Variants in C1QTNF3 observed in about 807,000 individuals in gnomAD.
The protein encoded by C1QTNF3 is complement C1q tumor necrosis factor-related protein 3.
Under a neutral mutation model 32.6 loss-of-function variants are expected in C1QTNF3, and 26 were observed. That is an observed-to-expected ratio of 0.80 (90% CI 0.58 to 1.11). C1QTNF3 has a LOEUF of 1.11. C1QTNF3 is among the 50% of genes least tolerant of loss of function. The pLI, the probability that C1QTNF3 is intolerant of heterozygous loss-of-function variation, is 0.00. For missense variants in C1QTNF3, 362 were observed against 398.2 expected (o/e 0.91, Z 0.77); for synonymous variants, 155 against 146.0 (o/e 1.06, Z -0.44).
chr5:34,117,653 G>T, the C1QTNF3 span, among the ~76,000 whole-genome samples: 2 of 151,898 alleles, frequency 1.3e-5, no homozygotes, highest in African/African-American at 4.8e-5. Flanking sequence ...AAAATTAGCT[G>T]GGCATGGTGG....
At chr5:34,043,354 T>G (rs1187555312), upstream of C1QTNF3, 1 of 552,970 alleles carries the variant, frequency 1.8e-6, no homozygotes, top group Admixed American at 3.3e-5. Context: ...AAGAACGATT[T>G]GTGTGCACAG....
At chr5:34,056,399 CAT>C in the C1QTNF3 span, among the ~76,000 whole-genome samples, 73 of 127,462 alleles carry the variant, frequency 5.7e-4, no homozygotes, top group African/African-American at 1.9e-3. Flanking sequence ...TTTACCATGA[CAT>C]ATATATATAT....
At chr5:34,161,538 T>C in the C1QTNF3 span, among the ~76,000 whole-genome samples, 1 of 152,218 alleles carries the variant, frequency 6.6e-6, no homozygotes, top group Non-Finnish European at 1.5e-5. Flanking sequence ...ATCAAATATG[T>C]ATATTAGCAG....
chr5:34,204,554 A>T, the C1QTNF3 span, among the ~76,000 whole-genome samples: 1 of 152,324 alleles, frequency 6.6e-6, no homozygotes, highest in Middle Eastern at 3.4e-3. Context: ...ATACATGGAC[A>T]TAGAATGTGG....
the C1QTNF3 span, among the ~76,000 whole-genome samples, chr5:34,087,115 AT>A: frequency 1.4e-5 from 2 of 146,106 alleles, no homozygotes; most frequent in Non-Finnish European, 3.0e-5. Flanking sequence ...ACTGGCCCTT[AT>A]AGATTCTGTC....
the C1QTNF3 span, among the ~76,000 whole-genome samples, chr5:34,134,005 C>T: frequency 3.3e-5 from 5 of 152,138 alleles, no homozygotes; most frequent in African/African-American, 1.2e-4. Context: ...GCTGTATGAA[C>T]CAATTCCAGA....
the C1QTNF3 span, among the ~76,000 whole-genome samples, chr5:34,094,323 C>G: frequency 5.9e-5 from 9 of 151,962 alleles, no homozygotes; most frequent in African/African-American, 1.7e-4. Context: ...TCTGGTAATA[C>G]AGCTGTGAGC....
chr5:34,166,102 C>T, the C1QTNF3 span: 2 of 150,804 alleles, frequency 1.3e-5, no homozygotes, highest in Non-Finnish European at 3.0e-5. Flanking sequence ...TGTTTTAGAA[C>T]AGGACAATTA....
the C1QTNF3 span, among the ~76,000 whole-genome samples, chr5:34,243,962 T>C: frequency 1.3e-5 from 2 of 152,212 alleles, no homozygotes; most frequent in Admixed American, 6.5e-5. Flanking sequence ...GAGAATATGT[T>C]TCTAATGAAG....
upstream of C1QTNF3, among the ~76,000 whole-genome samples, chr5:34,046,237 C>T (rs956318377): frequency 2.6e-5 from 4 of 152,196 alleles, no homozygotes; most frequent in Non-Finnish European, 4.4e-5. Context: ...ACCCCTTGTG[C>T]TCCCTTGGTA....
chr5:34,132,020 G>A, the C1QTNF3 span, among the ~76,000 whole-genome samples: 5 of 151,968 alleles, frequency 3.3e-5, no homozygotes, highest in Non-Finnish European at 7.4e-5. Context: ...TAAAATAGAG[G>A]GTAAATATAG....
the C1QTNF3 span, among the ~76,000 whole-genome samples, chr5:34,142,772 A>T: frequency 6.6e-6 from 1 of 152,228 alleles, no homozygotes; most frequent in Non-Finnish European, 1.5e-5. Context: ...ACCCAAAAAG[A>T]AAAGCCAACT....
the C1QTNF3 span, among the ~76,000 whole-genome samples, chr5:34,087,570 C>CT: frequency 0.022 from 1,514 of 70,054 alleles, 135 homozygotes; most frequent in African/African-American, 0.034. Context: ...ACGCTTTTGT[C>CT]TTTTTTTTTT....
intron 1 of C1QTNF3, among the ~76,000 whole-genome samples, chr5:34,040,441 G>A (rs1754840763): frequency 1.3e-5 from 2 of 151,990 alleles, no homozygotes; most frequent in Non-Finnish European, 2.9e-5. Flanking sequence ...TGGGAGGAGG[G>A]AGAAATGGGT....
chr5:34,082,077 T>C, the C1QTNF3 span, among the ~76,000 whole-genome samples: 2 of 151,788 alleles, frequency 1.3e-5, no homozygotes, highest in East Asian at 1.9e-4. Context: ...TTTACAGACA[T>C]ACAACTCCTC....
At chr5:34,072,443 A>G in the C1QTNF3 span, among the ~76,000 whole-genome samples, 2 of 152,012 alleles carry the variant, frequency 1.3e-5, no homozygotes. Flanking sequence ...ACTCAGCAAA[A>G]TGTGAATGTG....
chr5:34,090,614 A>C, the C1QTNF3 span, among the ~76,000 whole-genome samples: 1 of 152,180 alleles, frequency 6.6e-6, no homozygotes, highest in Non-Finnish European at 1.5e-5. Flanking sequence ...TGTATCCCCC[A>C]AAATTTATCT....
upstream of C1QTNF3, among the ~76,000 whole-genome samples, chr5:34,048,057 TG>T (rs1406181676): frequency 2.0e-5 from 3 of 152,186 alleles, no homozygotes; most frequent in Non-Finnish European, 2.9e-5. Context: ...GTCCCAGGAA[TG>T]GATCTGTCTC....
intron 3 of C1QTNF3, among the ~76,000 whole-genome samples, chr5:34,032,653 C>A (rs1160863308): frequency 6.6e-6 from 1 of 152,046 alleles, no homozygotes; most frequent in Non-Finnish European, 1.5e-5. Flanking sequence ...AAAAATTAGC[C>A]AGGTGTGGTG....
Sources: gnomAD v4.1 joint callset for allele counts (sites outside exome capture counted in the v4.1 genomes callset) on GRCh38, gnomAD v4.1.1 for gene constraint, MANE v1.5 for transcripts, NCBI Gene and HGNC (gene_info 2026-07-23, HGNC 2026-07-21) for gene names.